The following USP8 variants were observed in gnomAD, a reference collection of about 807,000 sequenced individuals.
USP8 encodes ubiquitin carboxyl-terminal hydrolase 8.
USP8 carries 27 observed loss-of-function variants against 130.0 expected under a neutral mutation model. The ratio of observed to expected loss-of-function variants is 0.21; its 90% confidence interval spans 0.15 to 0.29. USP8 has a LOEUF of 0.29. Among genes scored for constraint, USP8 ranks in the 10% least tolerant of loss-of-function variants. USP8 has a pLI of 1.00. For synonymous variants in USP8, 392 were observed against 444.1 expected, an observed-to-expected ratio of 0.88 and a Z score of 1.48; for missense variants, 1,029 against 1,312.2, an observed-to-expected ratio of 0.78 and a Z score of 3.33.
Position 50,507,648 on chromosome 15 carries a change from A to C in USP8, c.*8560A>C, listed in dbSNP as rs1367554450. On this transcript the variant is annotated 3_prime_UTR_variant, in exon 20 of 20. Transcript: ENST00000307179. ...ATAGGGAAGTTTTGACAAGTCTACC[A>C]TCATAATGGAAGATTTCAACTATTG... The C allele has an allele frequency of 6.6e-6, 1 of 152,204 alleles. No individual in the cohort carries two copies. Among genetic ancestry groups the C allele is most frequent in the Non-Finnish European group, 1.5e-5 (1 of 68,038 alleles). The allele number at this position is 152,204 out of a possible 1,614,324, so 9.4% of individuals were successfully genotyped here. A position where few individuals can be genotyped will look rare whatever the true frequency, so the allele number is the denominator to read the frequency against.
At position 50,490,246 on chromosome 15, in the gene USP8, T is replaced by C; in HGVS notation, c.1972-17T>C. On this transcript the variant is annotated splice_polypyrimidine_tract_variant and intron_variant, in intron 13 of 19. Transcript: ENST00000307179. ...TTTTGTTTTTTGACCTGTTTTTTTT[T>C]TTCTTTTCCATCTAAGTTTCTTGAC... is the stretch of plus-strand genomic sequence containing the variant. The C allele has an allele frequency of 6.3e-7, 1 of 1,580,620 alleles. No individual in the cohort carries two copies. The highest frequency in any genetic ancestry group is 8.6e-7 in the Non-Finnish European group (1 of 1,168,806).
chr15:50,465,260 A>G, intron 7 of USP8, 69 bp downstream of exon 7: 2 of 1,487,854 alleles, frequency 1.3e-6, no homozygotes, highest in South Asian at 1.4e-5. Context: ...AGTAAATGTT[A>G]CTACTTAGCA....
At chr15:50,495,680 G>GTAT (rs2052369657) in intron 16 of USP8, among the ~76,000 whole-genome samples, 168 bp from the exon 17 acceptor site, 1 of 151,938 alleles carries the variant, frequency 6.6e-6, no homozygotes, top group South Asian at 2.1e-4. Flanking sequence ...GTTTTTTTTG[G>GTAT]TATTTTTGGC....
rs2049625076 is a variant in USP8, at chr15:50,424,433, C to G, written c.-147C>G. 5.0e-6 allele frequency: 2 copies of G among 398,668 alleles called. No homozygotes were observed. The highest frequency in any genetic ancestry group is 8.8e-6 in the Non-Finnish European group (2 of 226,100). 24.7% of individuals were successfully genotyped at this position (398,668 alleles called of 1,614,324 possible). A position where few individuals can be genotyped will look rare whatever the true frequency, so the allele number is the denominator to read the frequency against. Reference sequence around the variant, plus strand: ...CTGGGCTGGCTTCCGTCCTGGTAGCCAAGGCTAATTCTCCCTCGAGTTCTT... The same window carrying G: ...CTGGGCTGGCTTCCGTCCTGGTAGCGAAGGCTAATTCTCCCTCGAGTTCTT... On this transcript the variant is annotated 5_prime_UTR_variant, in exon 1 of 20. Transcript: ENST00000307179.
intron 19 of USP8, 29 bp from the exon 20 acceptor site, chr15:50,498,874 G>C (rs771047886): frequency 4.5e-6 from 7 of 1,564,466 alleles, no homozygotes; most frequent in East Asian, 4.5e-5. Context: ...TAACTGAATT[G>C]ATTTTTTTTT....
rs2051600642 is a variant in USP8 at position 50,477,331 on chromosome 15, G to T, written c.1050G>T (p.Gln350His). Residue 350 changes from glutamine (Q) to histidine (H), a missense_variant, in exon 10 of 20, where the codon CAG becomes CAT. Transcript: ENST00000307179. ...EESIPSKPAA[Q>H]TPPASIEVDE... ...CAATTCCTTCTAAACCTGCTGCCCA[G>T]ACGCCACCTGCATCTATAGAAGTAG... The T allele has an allele frequency of 1.2e-6, 2 of 1,614,094 alleles. No individual in the cohort carries two copies. Among genetic ancestry groups the T allele is most frequent in the Non-Finnish European group, 1.7e-6 (2 of 1,180,026 alleles).
chr15:50,462,343 G>C (rs767948107), intron 6 of USP8, 21 bp downstream of exon 6: 1 of 1,586,236 alleles, frequency 6.3e-7, no homozygotes, highest in South Asian at 1.2e-5. Context: ...ACAGAAGGAG[G>C]AAGTTGTTTT....
chr15:50,425,863 C>T (rs2049696057), intron 1 of USP8, among the ~76,000 whole-genome samples: 1 of 152,200 alleles, frequency 6.6e-6, no homozygotes, highest in South Asian at 2.1e-4. Flanking sequence ...TGGCTCACAT[C>T]TGTAATCCTA....
intron 4 of USP8, among the ~76,000 whole-genome samples, chr15:50,455,614 G>A (rs1238808295): frequency 6.6e-6 from 1 of 152,046 alleles, no homozygotes; most frequent in African/African-American, 2.4e-5. Flanking sequence ...TTTGGACATT[G>A]TGAACAATAA....
intron 11 of USP8, among the ~76,000 whole-genome samples, chr15:50,482,907 T>G (rs183658299): frequency 3.9e-5 from 6 of 152,350 alleles, no homozygotes; most frequent in Admixed American, 3.3e-4. Flanking sequence ...AATTAATTCA[T>G]AGTCAAGCTG....
At chr15:50,489,088 C>G (rs962256193) in intron 12 of USP8, among the ~76,000 whole-genome samples, 9 of 151,654 alleles carry the variant, frequency 5.9e-5, no homozygotes, top group African/African-American at 1.9e-4. Flanking sequence ...TTTTTGTTTT[C>G]TATTAATTTT....
intron 8 of USP8, 116 bp from the exon 9 acceptor site, chr15:50,476,733 A>T: frequency 8.7e-7 from 1 of 1,151,370 alleles, no homozygotes; most frequent in Non-Finnish European, 1.2e-6. Context: ...TCATTTTGTC[A>T]TTATTTAGAA....
At chr15:50,441,224 C>A (rs1595907330) in intron 2 of USP8, 125 bp from the exon 3 acceptor site, 1 of 892,312 alleles carries the variant, frequency 1.1e-6, no homozygotes, top group Non-Finnish European at 1.6e-6. Flanking sequence ...GGCCGTGAAC[C>A]AGTACCAATC....
rs2052381326 is a variant in USP8 at position 50,495,868 on chromosome 15, T to C, written c.2679T>C (p.Tyr893=). Reference sequence around the variant, plus strand: ...TCCAGGCTGATAATCGGAAGAGATATAAAGAAGAAAATAATGATCATCTCG... The same window carrying C: ...TCCAGGCTGATAATCGGAAGAGATACAAAGAAGAAAATAATGATCATCTCG... ...DLNKADNRKR[Y]KEENNDHLDD... is the part of the protein sequence containing the mutation. Residue 893 remains tyrosine (Y), a synonymous_variant, in exon 17 of 20, where the codon TAT becomes TAC. Coordinates refer to ENST00000307179, the MANE Select transcript of USP8 (RefSeq NM_005154.5). 1.9e-6 allele frequency: 3 copies of C among 1,613,528 alleles called. No homozygotes were observed. Among genetic ancestry groups the C allele is most frequent in the Non-Finnish European group, 2.5e-6 (3 of 1,179,676 alleles).
At chr15:50,430,168 G>A (rs979852811) in intron 1 of USP8, among the ~76,000 whole-genome samples, 4 of 152,042 alleles carry the variant, frequency 2.6e-5, no homozygotes, top group Non-Finnish European at 5.9e-5. Context: ...TGTATAGTAG[G>A]TATCTATTGT....
intron 1 of USP8, among the ~76,000 whole-genome samples, chr15:50,436,159 A>G (rs2050084768): frequency 6.6e-6 from 1 of 152,098 alleles, no homozygotes; most frequent in Non-Finnish European, 1.5e-5. Flanking sequence ...CTTTAGTAAC[A>G]TTCAAGGCCT....
chr15:50,479,533 A>G (rs1399607490), intron 10 of USP8, among the ~76,000 whole-genome samples: 1 of 152,202 alleles, frequency 6.6e-6, no homozygotes, highest in Non-Finnish European at 1.5e-5. Flanking sequence ...TCATAACTAT[A>G]CTTTTAAAAT....
chr15:50,469,938 T>A (rs950219739), intron 7 of USP8, among the ~76,000 whole-genome samples: 2 of 151,860 alleles, frequency 1.3e-5, no homozygotes, highest in Non-Finnish European at 2.9e-5. Context: ...TTCAAGCTAT[T>A]CTCCTGCCTC....
chr15:50,454,072 C>T (rs1295265433), intron 4 of USP8, among the ~76,000 whole-genome samples: 1 of 152,108 alleles, frequency 6.6e-6, no homozygotes, highest in Non-Finnish European at 1.5e-5. Context: ...CCATGTTGGC[C>T]AGGCTGGTCT....
Sources: allele counts gnomAD v4.1 joint callset (sites outside exome capture counted in the v4.1 genomes callset), GRCh38; gene constraint gnomAD v4.1.1; transcripts MANE v1.5; gene names NCBI Gene and HGNC (gene_info 2026-07-23, HGNC 2026-07-21).